Variants in MMACHC observed in about 807,000 individuals in gnomAD.
MMACHC encodes cyanocobalamin reductase / alkylcobalamin dealkylase.
A neutral mutation model predicts 17.6 loss-of-function variants in MMACHC; 14 were observed. The observed-to-expected ratio is 0.80, with a 90% CI of 0.53 to 1.25. MMACHC has a LOEUF of 1.25. MMACHC is among the 50% of genes most tolerant of loss of function. MMACHC has a pLI of 0.00. For missense variants in MMACHC, 392 were observed against 364.5 expected, an observed-to-expected ratio of 1.08 and a Z score of -0.62; for synonymous variants, 151 against 142.1, an observed-to-expected ratio of 1.06 and a Z score of -0.45.
intron 2 of MMACHC, 49 bp from the exon 3 acceptor site, chr1:45,508,163 A>C (rs75126764): frequency 1.2e-6 from 2 of 1,607,144 alleles, no homozygotes; most frequent in African/African-American, 2.7e-5. Context: ...GGACAAGGTC[A>C]TAACTCCCCT....
rs543975935 is a variant in MMACHC, at chr1:45,510,813, G to C, written c.*1598G>C. On this transcript the variant is annotated 3_prime_UTR_variant, in exon 4 of 4. Transcript: ENST00000401061. The stretch of plus-strand genomic sequence containing the variant: ...ACTGGTAACCCAGCCTGTGGCGTCA[G>C]TCGCAGTGCTCTGGCCAACACTATA... 2.0e-5 allele frequency: 3 copies of C among 152,284 alleles called. No homozygotes were observed. The highest frequency in any genetic ancestry group is 7.2e-5 in the African/African-American group (3 of 41,462). The allele number at this position is 152,284 out of a possible 1,614,324, so 9.4% of individuals were successfully genotyped here.
chr1:45,511,223 C>G lies in MMACHC; in HGVS notation c.*2008C>G. ...GCCTGCCTTGTAAGACACCACAATT[C>G]GGCTGAATCTGAAGTCTTGTGTTTT... is the stretch of plus-strand genomic sequence containing the variant. On this transcript the variant is annotated 3_prime_UTR_variant, in exon 4 of 4. Coordinates refer to ENST00000401061, the MANE Select transcript of MMACHC (RefSeq NM_015506.3). The G allele has an allele frequency of 1.0e-6, 1 of 960,182 alleles. No individual in the cohort carries two copies. Among genetic ancestry groups the G allele is most frequent in the Admixed American group, 2.4e-5 (1 of 41,738 alleles). 59.5% of individuals were successfully genotyped at this position (960,182 alleles called of 1,614,324 possible). A position where few individuals can be genotyped will look rare whatever the true frequency, so the allele number is the denominator to read the frequency against.
At chr1:45,503,431 CTTTTTT>C (rs10607418) in intron 1 of MMACHC, among the ~76,000 whole-genome samples, 3 of 77,030 alleles carry the variant, frequency 3.9e-5, no homozygotes, top group South Asian at 5.9e-4. Context: ...TAACTCTCTG[CTTTTTT>C]TTTTTTTTTT....
chr1:45,513,342 G>C lies in MMACHC; in HGVS notation c.*4127G>C, dbSNP rs1643791865. 1 of 152,242 alleles carries C rather than the reference G, an allele frequency of 6.6e-6. No individual in the cohort carries two copies. Among genetic ancestry groups the C allele is most frequent in the Non-Finnish European group, 1.5e-5 (1 of 68,068 alleles). 9.4% of individuals were successfully genotyped at this position (152,242 alleles called of 1,614,324 possible). A position where few individuals can be genotyped will look rare whatever the true frequency, so the allele number is the denominator to read the frequency against. On this transcript the variant is annotated 3_prime_UTR_variant, in exon 4 of 4. Coordinates refer to ENST00000401061, the MANE Select transcript of MMACHC (RefSeq NM_015506.3). ...GATTCTAAATGAGCAGGACAGAAGA[G>C]AGGAGTATGTATACTTTGAATAAAA...
In MMACHC at chr1:45,508,209, C is replaced by G; in HGVS notation, c.277-3C>G. On this transcript the variant is annotated splice_region_variant and splice_polypyrimidine_tract_variant and intron_variant, in intron 2 of 3. Transcript: ENST00000401061. ...GTACCCTCTATTTTGTCCACTGTTC[C>G]AGAGCCTCCCAGAGCTGCAGATAGA... 1.9e-6 allele frequency: 3 copies of G among 1,614,102 alleles called. No homozygotes were observed. Among genetic ancestry groups the G allele is most frequent in the Non-Finnish European group, 1.7e-6 (2 of 1,179,986 alleles).
chr1:45,511,363 T>A lies in MMACHC; in HGVS notation c.*2148T>A, dbSNP rs1643740436. ...CTTGGAGAAATATTCTTTGCTCTTT[T>A]GGACATCAGGCTTGATGGTATCACT... On this transcript the variant is annotated 3_prime_UTR_variant, in exon 4 of 4. Transcript: ENST00000401061. 1 of 1,613,240 alleles carries A rather than the reference T, an allele frequency of 6.2e-7. No homozygotes were observed. The highest frequency in any genetic ancestry group is 2.2e-5 in the East Asian group (1 of 44,814).
intron 2 of MMACHC, among the ~76,000 whole-genome samples, 172 bp downstream of exon 2, chr1:45,507,722 C>T (rs745541924): frequency 2.0e-5 from 3 of 148,610 alleles, no homozygotes; most frequent in Non-Finnish European, 4.4e-5. Flanking sequence ...TCTCACACAC[C>T]CAGGTTCCAC....
In MMACHC at chr1:45,508,998, C is replaced by T. The variant is rs763196419; in HGVS notation, c.632C>T (p.Pro211Leu). Residue 211 changes from proline (P) to leucine (L), a missense_variant, in exon 4 of 4, where the codon CCC (proline) becomes CTC (leucine). By Grantham distance (98) the Pro-to-Leu change is moderately conservative. Transcript: ENST00000401061. ...RDWTYRDAVT[P>L]QERYSEEQKA... ...TGGACTTACCGGGATGCTGTGACAC[C>T]CCAGGAGCGCTACTCAGAAGAGCAG... 1.9e-6 allele frequency: 3 copies of T among 1,614,150 alleles called. No homozygotes were observed. The highest frequency in any genetic ancestry group is 1.6e-4 in the Middle Eastern group (1 of 6,062).
At chr1:45,505,241 G>C (rs1643604080) in intron 1 of MMACHC, among the ~76,000 whole-genome samples, 1 of 151,548 alleles carries the variant, frequency 6.6e-6, no homozygotes, top group South Asian at 2.1e-4. Context: ...GAGGTCAAGA[G>C]ATCGAGACCA....
In MMACHC at chr1:45,511,101, TAATAC is replaced by T; in HGVS notation, c.*1888_*1892del. 1 of 412,262 alleles carries T rather than the reference TAATAC, an allele frequency of 2.4e-6. No individual in the cohort carries two copies. The highest frequency in any genetic ancestry group is 4.3e-6 in the Non-Finnish European group (1 of 231,648). The allele number at this position is 412,262 out of a possible 1,614,324, so 25.5% of individuals were successfully genotyped here. On this transcript the variant is annotated 3_prime_UTR_variant, in exon 4 of 4. Transcript: ENST00000401061. ...ACAAAAGATTAATGGGTTGCTCTACTAATACATCATACAAACCAGTAGCCTGCCCA... is the reference window on the plus strand; with the variant it reads ...ACAAAAGATTAATGGGTTGCTCTACTATCATACAAACCAGTAGCCTGCCCA...
chr1:45,504,843 G>A lies in MMACHC; in HGVS notation c.82-2513G>A, dbSNP rs747947056. Among the ~76,000 whole-genome samples, 144 of 152,290 alleles carry A rather than the reference G, an allele frequency of 9.5e-4. 1 individual carries two copies. The highest frequency in any genetic ancestry group is 4.6e-4 in the Non-Finnish European group (31 of 68,032). ...AAAATGGTTTTTTTGGCCTGGCACG[G>A]AAGCTCACGCCTGTAATCCTAGCAC... On this transcript the variant is annotated intron_variant, in intron 1 of 3. Transcript: ENST00000401061.
In MMACHC at chr1:45,513,145, A is replaced by C. The variant is rs1643787757; in HGVS notation, c.*3930A>C. 6.6e-6 allele frequency: 1 copy of C among 152,146 alleles called. No individual in the cohort carries two copies. The highest frequency in any genetic ancestry group is 1.5e-5 in the Non-Finnish European group (1 of 68,042). The allele number at this position is 152,146 out of a possible 1,614,324, so 9.4% of individuals were successfully genotyped here. ...CAGAGCAAGACTCCATCTTGCAAAA[A>C]ATAAATAAATAAATAAAAATATGAA... On this transcript the variant is annotated 3_prime_UTR_variant, in exon 4 of 4. Coordinates refer to ENST00000401061, the MANE Select transcript of MMACHC (RefSeq NM_015506.3).
At chr1:45,502,163 CCTCT>C (rs1336336933) in intron 1 of MMACHC, among the ~76,000 whole-genome samples, 1 of 152,144 alleles carries the variant, frequency 6.6e-6, no homozygotes, top group Non-Finnish European at 1.5e-5. Flanking sequence ...GCCTTCTCTC[CCTCT>C]GATTCCCTCT....
In MMACHC at chr1:45,510,101, C is replaced by G. The variant is rs1356963063; in HGVS notation, c.*886C>G. On this transcript the variant is annotated 3_prime_UTR_variant, in exon 4 of 4. Transcript: ENST00000401061. ...CAAAAAAAAAAAAAAAAGTACCTAC[C>G]TCAGGTAGGGACTGAATAAACACGT... 6.6e-6 allele frequency: 1 copy of G among 151,648 alleles called. No homozygotes were observed. The highest frequency in any genetic ancestry group is 1.9e-4 in the East Asian group (1 of 5,166). 9.4% of individuals were successfully genotyped at this position (151,648 alleles called of 1,614,324 possible). A position where few individuals can be genotyped will look rare whatever the true frequency, so the allele number is the denominator to read the frequency against.
intron 3 of MMACHC, among the ~76,000 whole-genome samples, 171 bp downstream of exon 3, chr1:45,508,535 G>A (rs942603282): frequency 5.3e-5 from 8 of 152,202 alleles, no homozygotes; most frequent in South Asian, 2.1e-4. Flanking sequence ...CTGGGTACTC[G>A]TGAGATCAGA....
At chr1:45,502,014 C>T (rs1454372475) in intron 1 of MMACHC, among the ~76,000 whole-genome samples, 1 of 152,202 alleles carries the variant, frequency 6.6e-6, no homozygotes, top group East Asian at 1.9e-4. Context: ...CTCCACACTG[C>T]AGCCAGTGTG....
Position 45,511,497 on chromosome 1 carries a change from C to A in MMACHC, c.*2282C>A, listed in dbSNP as rs1412265072. 1 of 1,120,528 alleles carries A rather than the reference C, an allele frequency of 8.9e-7. No homozygotes were observed. The allele number at this position is 1,120,528 out of a possible 1,614,324, so 69.4% of individuals were successfully genotyped here. ...TCCTATGGACAAAACCAGTTCTGCA[C>A]CTGAACACTCAGATACCAGGAAACC... On this transcript the variant is annotated 3_prime_UTR_variant, in exon 4 of 4. Coordinates refer to ENST00000401061, the MANE Select transcript of MMACHC (RefSeq NM_015506.3).
Position 45,508,264 on chromosome 1 carries a change from A to C in MMACHC, c.329A>C (p.Asn110Thr), listed in dbSNP as rs781133955. The stretch of plus-strand genomic sequence containing the variant: ...ATTGCTGACTACGAGGTGCACCCCA[A>C]CCGACGCCCCAAGATCCTGGCCCAG... ...EIIADYEVHPNRRPKILAQTA... is the reference protein window; with the variant it reads ...EIIADYEVHPTRRPKILAQTA... Residue 110 changes from asparagine to threonine, a missense_variant, in exon 3 of 4, where the codon AAC becomes ACC. Transcript: ENST00000401061. 4 of 1,613,918 alleles carry C rather than the reference A, an allele frequency of 2.5e-6. No individual in the cohort carries two copies. In the African/African-American group the frequency reaches 4.0e-5, roughly 16 times the overall value.
At position 45,511,729 on chromosome 1, in the gene MMACHC, A is replaced by C; in HGVS notation, c.*2514A>C. The C allele has an allele frequency of 1.4e-5, 3 of 217,414 alleles. No individual in the cohort carries two copies. The highest frequency in any genetic ancestry group is 9.1e-6 in the Non-Finnish European group (1 of 110,406). The allele number at this position is 217,414 out of a possible 1,614,324, so 13.5% of individuals were successfully genotyped here. ...CTTAAGGGGAAAAAAAAGCTAAATA[A>C]ACGACACACATAGGACTATGTAAAC... is the stretch of plus-strand genomic sequence containing the variant. On this transcript the variant is annotated 3_prime_UTR_variant, in exon 4 of 4. Coordinates refer to ENST00000401061, the MANE Select transcript of MMACHC (RefSeq NM_015506.3).
Sources: gnomAD v4.1 joint callset for allele counts (sites outside exome capture counted in the v4.1 genomes callset) on GRCh38, gnomAD v4.1.1 for gene constraint, MANE v1.5 for transcripts, NCBI Gene and HGNC (gene_info 2026-07-23, HGNC 2026-07-21) for gene names.